Variants in UBE2E2 observed in about 807,000 individuals in gnomAD.
The protein encoded by UBE2E2 is ubiquitin-conjugating enzyme E2 E2.
Under a neutral mutation model 24.7 loss-of-function variants are expected in UBE2E2, and 6 were observed. That is an observed-to-expected ratio of 0.24 (90% CI 0.13 to 0.48). UBE2E2 has a LOEUF of 0.48. UBE2E2 is among the 20% of genes least tolerant of loss of function. The pLI, the probability that UBE2E2 is intolerant of heterozygous loss-of-function variation, is 0.99. For synonymous variants in UBE2E2, 104 were observed against 83.6 expected (o/e 1.24, Z -1.33); for missense variants, 169 against 245.0 (o/e 0.69, Z 2.07).
At chr3:23,287,773 CTT>C (rs34258354) in intron 3 of UBE2E2, among the ~76,000 whole-genome samples, 34 of 138,914 alleles carry the variant, frequency 2.4e-4, no homozygotes, top group Admixed American at 2.9e-4. Flanking sequence ...ATGTCTCTCT[CTT>C]TTTTTTTTTT....
intron 3 of UBE2E2, among the ~76,000 whole-genome samples, chr3:23,284,353 C>A (rs1189424110): frequency 6.6e-6 from 1 of 151,936 alleles, no homozygotes; most frequent in African/African-American, 2.4e-5. Context: ...TATTTGAGCT[C>A]ATAAAATATT....
At chr3:23,271,251 T>C (rs918730539) in intron 3 of UBE2E2, 2 of 356,282 alleles carry the variant, frequency 5.6e-6, no homozygotes, top group African/African-American at 2.1e-5. Context: ...TTAAAGATGG[T>C]GTGTCTAGAG....
intron 3 of UBE2E2, among the ~76,000 whole-genome samples, chr3:23,333,009 T>TA (rs1695106650): frequency 6.6e-6 from 1 of 152,194 alleles, no homozygotes; most frequent in Admixed American, 6.5e-5. Context: ...TTGTGAAAAT[T>TA]ACTAGGAAAA....
intron 3 of UBE2E2, among the ~76,000 whole-genome samples, chr3:23,240,813 T>C (rs996958538): frequency 7.9e-5 from 12 of 152,200 alleles, no homozygotes; most frequent in East Asian, 3.8e-4. Flanking sequence ...ATGCAGTAAC[T>C]TTTTTTCTTT....
intron 3 of UBE2E2, among the ~76,000 whole-genome samples, chr3:23,345,385 A>G (rs1461098023): frequency 6.6e-6 from 1 of 152,198 alleles, no homozygotes; most frequent in Non-Finnish European, 1.5e-5. Flanking sequence ...AGTTTTCAAT[A>G]TAATAGATTC....
At chr3:23,457,054 GC>G (rs61640269) in intron 3 of UBE2E2, among the ~76,000 whole-genome samples, 132 of 152,272 alleles carry the variant, frequency 8.7e-4, no homozygotes, top group African/African-American at 2.9e-3. Context: ...AGTTCCCAAA[GC>G]AAAACCTTCC....
chr3:23,561,757 G>T (rs548737693), intron 5 of UBE2E2, among the ~76,000 whole-genome samples: 240 of 152,218 alleles, frequency 1.6e-3, no homozygotes, highest in African/African-American at 5.5e-3. Flanking sequence ...TTGAGCAGTG[G>T]TTTGTGGTTC....
intron 5 of UBE2E2, among the ~76,000 whole-genome samples, chr3:23,544,132 CT>C (rs1695460211): frequency 6.6e-6 from 1 of 152,148 alleles, no homozygotes; most frequent in Non-Finnish European, 1.5e-5. Flanking sequence ...AGGAAAAACT[CT>C]TTTGGGCGTT....
intron 3 of UBE2E2, among the ~76,000 whole-genome samples, chr3:23,233,201 T>G (rs79223698): frequency 0.014 from 2,168 of 152,238 alleles, 53 homozygotes; most frequent in African/African-American, 0.05. Context: ...TGTAAGAGTT[T>G]GAGAATCAGG....
At chr3:23,439,415 A>G (rs1390421720) in intron 3 of UBE2E2, among the ~76,000 whole-genome samples, 1 of 152,194 alleles carries the variant, frequency 6.6e-6, no homozygotes, top group Non-Finnish European at 1.5e-5. Flanking sequence ...CTCCTCCTCC[A>G]TGTCTTAACC....
intron 3 of UBE2E2, among the ~76,000 whole-genome samples, chr3:23,320,313 C>G (rs541290982): frequency 6.6e-6 from 1 of 152,188 alleles, no homozygotes; most frequent in Non-Finnish European, 1.5e-5. Flanking sequence ...CTTCTTTCCT[C>G]TTATATATTA....
At chr3:23,455,953 C>T (rs149233366) in intron 3 of UBE2E2, among the ~76,000 whole-genome samples, 25 of 152,290 alleles carry the variant, frequency 1.6e-4, no homozygotes, top group Admixed American at 5.9e-4. Context: ...CAGTATTTTA[C>T]CCACAATGTA....
At chr3:23,374,475 C>G (rs1329125935) in intron 3 of UBE2E2, among the ~76,000 whole-genome samples, 2 of 152,142 alleles carry the variant, frequency 1.3e-5, no homozygotes, top group African/African-American at 4.8e-5. Context: ...CTATAAAATG[C>G]TACTTAGGCA....
chr3:23,342,419 G>A (rs970405255), intron 3 of UBE2E2, among the ~76,000 whole-genome samples: 24 of 152,130 alleles, frequency 1.6e-4, no homozygotes, highest in African/African-American at 5.6e-4. Flanking sequence ...AGTTTATTTA[G>A]CACAGGAGGG....
At chr3:23,396,464 A>G (rs1484447348) in intron 3 of UBE2E2, among the ~76,000 whole-genome samples, 2 of 151,792 alleles carry the variant, frequency 1.3e-5, no homozygotes, top group East Asian at 3.9e-4. Context: ...ACATACATAC[A>G]TATACATATA....
chr3:23,358,392 C>T lies in UBE2E2; in HGVS notation c.227+141080C>T, dbSNP rs1696025132. Among the ~76,000 whole-genome samples the T allele has an allele frequency of 2.6e-5, 4 of 152,182 alleles. No homozygotes were observed. In the South Asian group the frequency reaches 8.3e-4, roughly 31 times the overall value. The stretch of plus-strand genomic sequence containing the variant: ...TTCACAATGATGCTTAAAGGTTCAT[C>T]AAGCCCTGCCAATAAAATTAGTCTG... On this transcript the variant is annotated intron_variant, in intron 3 of 5. Transcript: ENST00000396703.
At position 23,379,674 on chromosome 3, in the gene UBE2E2, A is replaced by G. The variant is rs184832005; in HGVS notation, c.228-119934A>G. On this transcript the variant is annotated intron_variant, in intron 3 of 5. Coordinates refer to ENST00000396703, the MANE Select transcript of UBE2E2 (RefSeq NM_152653.4). ...GGACATTTGGGTTGGTTCCAAGATT[A>G]TGTATTTATTGAGTTCTAATTTTCT... Among the ~76,000 whole-genome samples the G allele has an allele frequency of 1.5e-3, 230 of 152,038 alleles. 1 individual carries two copies. Among genetic ancestry groups the G allele is most frequent in the South Asian group, 3.7e-3 (18 of 4,808 alleles).
chr3:23,423,933 G>C (rs1036590306), intron 3 of UBE2E2, among the ~76,000 whole-genome samples: 2 of 152,120 alleles, frequency 1.3e-5, no homozygotes, highest in African/African-American at 2.4e-5. Flanking sequence ...TTCAATTCAT[G>C]ATCCTCAGGG....
chr3:23,277,523 C>T (rs894403740), intron 3 of UBE2E2, among the ~76,000 whole-genome samples: 1 of 152,018 alleles, frequency 6.6e-6, no homozygotes, highest in Admixed American at 6.6e-5. Flanking sequence ...CTGGGATCAA[C>T]GTAAGTATTT....
Sources: allele counts gnomAD v4.1 joint callset (sites outside exome capture counted in the v4.1 genomes callset), GRCh38; gene constraint gnomAD v4.1.1; transcripts MANE v1.5; gene names NCBI Gene and HGNC (gene_info 2026-07-23, HGNC 2026-07-21).